SLC13A5: variants seen among roughly 807,000 people sequenced by gnomAD.
The protein encoded by SLC13A5 is solute carrier family 13 member 5.
Under a neutral mutation model 56.5 loss-of-function variants are expected in SLC13A5, and 25 were observed. The observed-to-expected ratio is 0.44, with a 90% CI of 0.32 to 0.62. The LOEUF (loss-of-function observed/expected upper bound fraction) is 0.62. Among genes scored for constraint, SLC13A5 ranks in the 20% least tolerant of loss-of-function variants. SLC13A5 has a pLI of 0.04. For missense variants in SLC13A5, 649 were observed against 737.8 expected (o/e 0.88, Z 1.39); for synonymous variants, 307 against 301.5 (o/e 1.02, Z -0.19).
intron 3 of SLC13A5, 64 bp downstream of exon 3, chr17:6,706,578 C>T (rs1973868457): frequency 1.3e-6 from 2 of 1,582,250 alleles, no homozygotes; most frequent in Non-Finnish European, 1.7e-6. Context: ...GTGCCATCCT[C>T]CACCCCCTTC....
At chr17:6,702,557 G>C (rs1384169727) in intron 5 of SLC13A5, among the ~76,000 whole-genome samples, 1 of 152,212 alleles carries the variant, frequency 6.6e-6, no homozygotes, top group East Asian at 1.9e-4. Flanking sequence ...GTGCTGGGGA[G>C]TCTTTTAGAG....
chr17:6,698,831 A>G (rs1973627758), intron 6 of SLC13A5, among the ~76,000 whole-genome samples: 1 of 152,148 alleles, frequency 6.6e-6, no homozygotes, highest in South Asian at 2.1e-4. Context: ...GGAGGTTAGG[A>G]GTTCAAGACC....
chr17:6,705,751 C>A (rs140624605), intron 3 of SLC13A5, among the ~76,000 whole-genome samples: 42 of 152,286 alleles, frequency 2.8e-4, no homozygotes, highest in African/African-American at 9.6e-4. Context: ...TTACCGTAAA[C>A]TGACCAGCAG....
In SLC13A5 at chr17:6,703,114, G is replaced by A. The variant is rs762938463; in HGVS notation, c.572C>T (p.Pro191Leu). The part of the protein sequence containing the change: ...LPGSQVIFEG[P>L]TLGQQEDQER... Reference sequence around the variant, plus strand: ...TTGGTCTTCCTGCTGCCCCAGAGTGGGGCCTTCAAAAATCACTTGACTCCC... The same window carrying A: ...TTGGTCTTCCTGCTGCCCCAGAGTGAGGCCTTCAAAAATCACTTGACTCCC... The change falls in exon 5 of 12, where the codon CCC (proline) becomes CTC (leucine). Residue 191 changes from proline (P) to leucine (L), a missense_variant. Transcript: ENST00000433363. 6.2e-7 allele frequency: 1 copy of A among 1,614,072 alleles called. No individual in the cohort carries two copies. The highest frequency in any genetic ancestry group is 1.1e-5 in the South Asian group (1 of 91,086).
At chr17:6,691,335 G>A (rs566726999) in intron 9 of SLC13A5, among the ~76,000 whole-genome samples, 147 of 152,232 alleles carry the variant, frequency 9.7e-4, no homozygotes, top group Admixed American at 2.0e-3. Context: ...TCATGCTGCC[G>A]GTCTCTGTTC....
Position 6,687,511 on chromosome 17 carries a change from T to C in SLC13A5, c.1575+18A>G, listed in dbSNP as rs761746712. ...AGCGTTATAGTCCGACGGGAGTAAA[T>C]AAAAACAGCTGTGTTACCATGTCAG... is the stretch of plus-strand genomic sequence containing the variant. On this transcript the variant is annotated intron_variant, in intron 11 of 11. Coordinates refer to ENST00000433363, the MANE Select transcript of SLC13A5 (RefSeq NM_177550.5). This position sits in a 1 kb window ranked among gnomAD's most constrained non-coding sequence, Gnocchi z 5.0. 2 of 1,613,156 alleles carry C rather than the reference T, an allele frequency of 1.2e-6. No homozygotes were observed. The highest frequency in any genetic ancestry group is 1.7e-6 in the Non-Finnish European group (2 of 1,179,718).
In SLC13A5 at chr17:6,711,612, T is replaced by G. The variant is rs1193580622; in HGVS notation, c.102+1620A>C. ...TTTGGGTGTGTGTTTGTGCGTGTGTTTTTGTGTGTGTTTGTGTTTGTGCGT... is the reference window on the plus strand; with the variant it reads ...TTTGGGTGTGTGTTTGTGCGTGTGTGTTTGTGTGTGTTTGTGTTTGTGCGT... On this transcript the variant is annotated intron_variant, in intron 1 of 11. Transcript: ENST00000433363. The surrounding 1 kb of genome is among the most constrained non-coding windows in gnomAD (Gnocchi z 4.0). Among the ~76,000 whole-genome samples the G allele has an allele frequency of 6.7e-6, 1 of 149,500 alleles. No homozygotes were observed. The highest frequency in any genetic ancestry group is 2.5e-5 in the African/African-American group (1 of 40,618).
chr17:6,707,375 C>T (rs1330639650), intron 1 of SLC13A5, among the ~76,000 whole-genome samples: 1 of 152,188 alleles, frequency 6.6e-6, no homozygotes, highest in Non-Finnish European at 1.5e-5. Flanking sequence ...CCCACCCCTC[C>T]TCCCTGCCTC....
chr17:6,703,996 T>C lies in SLC13A5; in HGVS notation c.429A>G (p.Ala143=), dbSNP rs1311985313. 1 of 1,613,240 alleles carries C rather than the reference T, an allele frequency of 6.2e-7. No homozygotes were observed. The highest frequency in any genetic ancestry group is 8.5e-7 in the Non-Finnish European group (1 of 1,179,572). The part of the protein sequence containing the change: ...ALLSMWISNT[A]TTAMMVPIVE... ...CGATGGGCACCATCATGGCCGTGGT[T>C]GCCGTGTTACTGATCCACATGGACA... is the stretch of plus-strand genomic sequence containing the variant. The change falls in exon 4 of 12, where the codon GCA becomes GCG. Residue 143 remains alanine, a synonymous_variant. Coordinates refer to ENST00000433363, the MANE Select transcript of SLC13A5 (RefSeq NM_177550.5).
At chr17:6,699,098 TAAAATAAAATAAAG>T (rs1973641955) in intron 6 of SLC13A5, among the ~76,000 whole-genome samples, 2 of 149,386 alleles carry the variant, frequency 1.3e-5, no homozygotes, top group African/African-American at 4.9e-5. Flanking sequence ...TAAAATAAAA[TAAAATAAAATAAAG>T]AAAGGAAAAG....
chr17:6,709,166 G>C (rs1226005250), intron 1 of SLC13A5, among the ~76,000 whole-genome samples: 1 of 151,678 alleles, frequency 6.6e-6, no homozygotes, highest in African/African-American at 2.4e-5. Context: ...CATTATTCAA[G>C]AACCTGCTGT....
rs976947826 is a variant in SLC13A5, at chr17:6,703,800, A to T, written c.547+78T>A. ...CTCCGGGAAGCAGACAGGGAGAAGG[A>T]GGTGGCCAAAGCATTTGCCAGCAGA... On this transcript the variant is annotated intron_variant, in intron 4 of 11. Transcript: ENST00000433363. The T allele has an allele frequency of 7.8e-6, 11 of 1,415,310 alleles. No individual in the cohort carries two copies. The African/African-American group carries it at 1.3e-4, about 17-fold the overall frequency. The allele number at this position is 1,415,310 out of a possible 1,614,324, so 87.7% of individuals were successfully genotyped here.
rs1973419860 is a variant in SLC13A5 at position 6,692,053 on chromosome 17, T to A, written c.1275+991A>T. ...GCCACGAACAGGGACCGTATCTCAA[T>A]CTCCTCTGTAATCTCTGTGCCTGGC... On this transcript the variant is annotated intron_variant, in intron 9 of 11. Transcript: ENST00000433363. The surrounding 1 kb of genome is among the most constrained non-coding windows in gnomAD (Gnocchi z 5.5). Among the ~76,000 whole-genome samples the A allele has an allele frequency of 1.3e-5, 2 of 152,120 alleles. No individual in the cohort carries two copies. Among genetic ancestry groups the A allele is most frequent in the Non-Finnish European group, 2.9e-5 (2 of 68,044 alleles).
Position 6,694,230 on chromosome 17 carries a change from A to G in SLC13A5, c.1056-33T>C, listed in dbSNP as rs117607871. 11,135 of 1,324,062 alleles carry G rather than the reference A, an allele frequency of 8.4e-3. 84 individuals carry two copies. Among genetic ancestry groups the G allele is most frequent in the Non-Finnish European group, 9.4e-3 (8,672 of 920,706 alleles). The allele number at this position is 1,324,062 out of a possible 1,614,324, so 82.0% of individuals were successfully genotyped here. ...GGGAAAAGCACAGCTCATCTGCGAC[A>G]GAGACAGTCACTCAACAAACCCATC... On this transcript the variant is annotated intron_variant, in intron 7 of 11. Transcript: ENST00000433363.
intron 6 of SLC13A5, among the ~76,000 whole-genome samples, chr17:6,696,689 T>C (rs1177617419): frequency 6.6e-6 from 1 of 152,096 alleles, no homozygotes; most frequent in African/African-American, 2.4e-5. Flanking sequence ...GGGGCCACTG[T>C]GCATAGGACT....
chr17:6,707,134 A>G lies in SLC13A5; in HGVS notation c.125T>C (p.Ile42Thr). The G allele has an allele frequency of 1.9e-6, 3 of 1,614,036 alleles. No homozygotes were observed. Among genetic ancestry groups the G allele is most frequent in the Non-Finnish European group, 2.5e-6 (3 of 1,179,992 alleles). Residue 42 changes from isoleucine to threonine, a missense_variant, in exon 2 of 12, where the codon ATC becomes ACC. Ile to Thr is a moderately conservative substitution (Grantham distance 89). Transcript: ENST00000433363. ...GCACCAGTAAATGGCCATGAGGATG[A>G]TGACGTAGGCACACCTGACAAACTG... ...PAKFVRCAYV[I>T]ILMAIYWCTE... is the part of the protein sequence containing the mutation.
chr17:6,711,973 C>T lies in SLC13A5; in HGVS notation c.102+1259G>A, dbSNP rs1316252548. On this transcript the variant is annotated intron_variant, in intron 1 of 11. Transcript: ENST00000433363. The surrounding 1 kb of genome is among the most constrained non-coding windows in gnomAD (Gnocchi z 4.0). ...CATCCAGGGCCTGTGCTAGGCCCAC[C>T]CAAGGGCTCCTCCCAGTCTCCCCCT... 6.6e-6 allele frequency among the ~76,000 whole-genome samples: 1 copy of T among 152,126 alleles called. No homozygotes were observed. Among genetic ancestry groups the T allele is most frequent in the African/African-American group, 2.4e-5 (1 of 41,420 alleles).
chr17:6,690,637 C>A (rs969398980), intron 10 of SLC13A5, 142 bp downstream of exon 10: 29 of 1,196,922 alleles, frequency 2.4e-5, no homozygotes, highest in Non-Finnish European at 3.2e-5. Flanking sequence ...CCAGGGTCCA[C>A]AAATCCACGT....
At position 6,706,976 on chromosome 17, in the gene SLC13A5, AAG is replaced by A. The variant is rs144316437; in HGVS notation, c.231+50_231+51del. ...TGCGACTCACAGTGGGGACTAGAGA[AAG>A]AGAGAAGGGGAGAACCAGAAAGTCA... On this transcript the variant is annotated intron_variant, in intron 2 of 11. Coordinates refer to ENST00000433363, the MANE Select transcript of SLC13A5 (RefSeq NM_177550.5). 92,607 of 1,609,178 alleles carry A rather than the reference AAG, an allele frequency of 0.058. 3,104 individuals are homozygous for A. Among genetic ancestry groups the A allele is most frequent in the Non-Finnish European group, 0.069 (81,042 of 1,177,892 alleles).
Sources: gnomAD v4.1 joint callset for allele counts (sites outside exome capture counted in the v4.1 genomes callset) on GRCh38, gnomAD v4.1.1 for gene constraint, Gnocchi (gnomAD v3.1) non-coding constraint, MANE v1.5 for transcripts, NCBI Gene and HGNC (gene_info 2026-07-23, HGNC 2026-07-21) for gene names.